EXOC4: variants seen among roughly 807,000 people sequenced by gnomAD.
EXOC4 encodes exocyst complex component 4, also known as SEC8-like 1.
EXOC4 carries 71 observed loss-of-function variants against 107.2 expected under a neutral mutation model. The observed-to-expected ratio is 0.66, with a 90% CI of 0.55 to 0.81. The LOEUF (loss-of-function observed/expected upper bound fraction) is 0.81, where lower values mean the gene tolerates loss of function less well. Among genes scored for constraint, EXOC4 ranks in the 30% least tolerant of loss-of-function variants. EXOC4 has a pLI of 0.00. For missense variants in EXOC4, 1,108 were observed against 1,189.6 expected, an observed-to-expected ratio of 0.93 and a Z score of 1.01; for synonymous variants, 456 against 441.2, an observed-to-expected ratio of 1.03 and a Z score of -0.42.
chr7:133,386,303 T>C (rs1362970660), intron 7 of EXOC4, among the ~76,000 whole-genome samples: 1 of 152,210 alleles, frequency 6.6e-6, no homozygotes, highest in African/African-American at 2.4e-5. Flanking sequence ...ATTCCAGTGG[T>C]CACTGGGCCT....
At chr7:133,318,412 T>C (rs1200562369) in intron 5 of EXOC4, among the ~76,000 whole-genome samples, 2 of 152,220 alleles carry the variant, frequency 1.3e-5, no homozygotes, top group Non-Finnish European at 2.9e-5. Context: ...AGAGAGTTTC[T>C]CTGCTTTTGT....
chr7:133,901,862 T>C (rs1001331610), intron 12 of EXOC4, among the ~76,000 whole-genome samples: 1 of 152,144 alleles, frequency 6.6e-6, no homozygotes, highest in African/African-American at 2.4e-5. Context: ...CAATACTAGA[T>C]ATTTGTTCAA....
At chr7:133,662,131 T>C (rs1174430062) in intron 10 of EXOC4, among the ~76,000 whole-genome samples, 2 of 152,144 alleles carry the variant, frequency 1.3e-5, no homozygotes, top group Non-Finnish European at 2.9e-5. Context: ...CAACTGCAAT[T>C]GTTAGGGCGA....
chr7:133,915,685 A>G (rs1799793947), intron 12 of EXOC4, among the ~76,000 whole-genome samples: 1 of 152,234 alleles, frequency 6.6e-6, no homozygotes, highest in Admixed American at 6.5e-5. Flanking sequence ...CAATGCAAGT[A>G]TAAGATTGTA....
intron 9 of EXOC4, among the ~76,000 whole-genome samples, chr7:133,535,035 C>T (rs1800247524): frequency 6.6e-6 from 1 of 152,114 alleles, no homozygotes; most frequent in Non-Finnish European, 1.5e-5. Flanking sequence ...GAGATGGGCC[C>T]TCATTTGTGC....
chr7:133,945,193 G>GAAACCT, intron 14 of EXOC4, among the ~76,000 whole-genome samples: 1 of 152,178 alleles, frequency 6.6e-6, no homozygotes, highest in East Asian at 1.9e-4. Flanking sequence ...CAGAGGCAGA[G>GAAACCT]AAACCTATGT....
chr7:133,719,846 C>G (rs1795070829), intron 10 of EXOC4, among the ~76,000 whole-genome samples: 1 of 152,106 alleles, frequency 6.6e-6, no homozygotes. Context: ...TCTTGTTCAA[C>G]ATTCTGTTTT....
intron 10 of EXOC4, among the ~76,000 whole-genome samples, chr7:133,800,132 C>G (rs1275573293): frequency 6.9e-6 from 1 of 145,008 alleles, no homozygotes; most frequent in Admixed American, 7.5e-5. Context: ...AGAGTCTCAG[C>G]TTAGCACTCT....
chr7:133,441,874 A>G (rs940774796), intron 7 of EXOC4, among the ~76,000 whole-genome samples: 1 of 152,214 alleles, frequency 6.6e-6, no homozygotes, highest in Non-Finnish European at 1.5e-5. Flanking sequence ...ACACGCACAC[A>G]TACCTATGTA....
At chr7:133,405,748 G>T (rs901052895) in intron 7 of EXOC4, among the ~76,000 whole-genome samples, 1 of 152,158 alleles carries the variant, frequency 6.6e-6, no homozygotes, top group Non-Finnish European at 1.5e-5. Context: ...TAATAACAAT[G>T]ATAGTAGTAT....
intron 11 of EXOC4, among the ~76,000 whole-genome samples, chr7:133,869,558 T>A (rs1798709419): frequency 1.3e-5 from 2 of 152,206 alleles, no homozygotes; most frequent in African/African-American, 4.8e-5. Flanking sequence ...GCATTCCTTG[T>A]AGTAGGTGCT....
chr7:133,752,196 T>C (rs182354588), intron 10 of EXOC4, among the ~76,000 whole-genome samples: 22 of 152,134 alleles, frequency 1.4e-4, no homozygotes, highest in African/African-American at 5.3e-4. Flanking sequence ...TATCTAAAAT[T>C]TCTTCCTCTA....
intron 17 of EXOC4, 135 bp from the exon 18 acceptor site, chr7:134,064,156 G>C (rs1383825022): frequency 1.1e-5 from 5 of 473,406 alleles, no homozygotes; most frequent in Non-Finnish European, 1.8e-5. Context: ...TCTGTTGGTG[G>C]GGCCTAGAAC....
At chr7:133,430,340 G>A (rs1797828436) in intron 7 of EXOC4, among the ~76,000 whole-genome samples, 1 of 152,128 alleles carries the variant, frequency 6.6e-6, no homozygotes, top group Admixed American at 6.5e-5. Flanking sequence ...GGTGGTTTTG[G>A]AAAAAGCAAC....
At chr7:133,455,798 G>C (rs1015002453) in intron 7 of EXOC4, among the ~76,000 whole-genome samples, 14 of 152,142 alleles carry the variant, frequency 9.2e-5, no homozygotes, top group Non-Finnish European at 1.8e-4. Context: ...AAGATTGAAC[G>C]ATCTATCTGT....
At chr7:133,528,782 G>A (rs1800126774) in intron 9 of EXOC4, among the ~76,000 whole-genome samples, 1 of 152,124 alleles carries the variant, frequency 6.6e-6, no homozygotes, top group Non-Finnish European at 1.5e-5. Context: ...GAAGAGGTGA[G>A]AAAATGTACG....
At chr7:133,717,957 G>A (rs1795031975) in intron 10 of EXOC4, among the ~76,000 whole-genome samples, 1 of 152,102 alleles carries the variant, frequency 6.6e-6, no homozygotes, top group Admixed American at 6.6e-5. Flanking sequence ...TCTTCACAGA[G>A]GGAATGGGAC....
chr7:133,554,887 T>C (rs948495931), intron 9 of EXOC4, among the ~76,000 whole-genome samples: 1 of 152,238 alleles, frequency 6.6e-6, no homozygotes, highest in Non-Finnish European at 1.5e-5. Context: ...TTTGTGGAAT[T>C]AAAAGATGGA....
intron 1 of EXOC4, among the ~76,000 whole-genome samples, chr7:133,254,976 A>G (rs1056216204): frequency 6.6e-6 from 1 of 152,162 alleles, no homozygotes; most frequent in African/African-American, 2.4e-5. Context: ...ATGCTAATTC[A>G]GAACATACAT....
Sources: gnomAD v4.1 joint callset for allele counts (sites outside exome capture counted in the v4.1 genomes callset) on GRCh38, gnomAD v4.1.1 for gene constraint, MANE v1.5 for transcripts, NCBI Gene and HGNC (gene_info 2026-07-23, HGNC 2026-07-21) for gene names.